RGS6: variants seen among roughly 807,000 people sequenced by gnomAD.
RGS6 encodes regulator of G-protein signaling 6.
RGS6 carries 30 observed loss-of-function variants against 78.5 expected under a neutral mutation model. The observed-to-expected ratio is 0.38, with a 90% confidence interval of 0.29 to 0.52. RGS6 has a LOEUF of 0.52. Among genes scored for constraint, RGS6 ranks in the 20% least tolerant of loss-of-function variants. The probability of loss-of-function intolerance (pLI) is 0.85; values close to 1 mark genes in which losing one functional copy is unlikely to be tolerated. For missense variants in RGS6, 495 were observed against 609.7 expected (o/e 0.81, Z 1.98); for synonymous variants, 206 against 206.0 (o/e 1.00, Z 0.00).
At chr14:72,415,725 A>G (rs538894385) in intron 3 of RGS6, among the ~76,000 whole-genome samples, 35 of 152,324 alleles carry the variant, frequency 2.3e-4, no homozygotes, top group African/African-American at 7.9e-4. Flanking sequence ...TATGCACAAC[A>G]TTGGCCATTA....
At chr14:72,418,034 C>G (rs1322620409) in intron 3 of RGS6, among the ~76,000 whole-genome samples, 1 of 152,156 alleles carries the variant, frequency 6.6e-6, no homozygotes, top group Non-Finnish European at 1.5e-5. Context: ...ATTCTCCCAC[C>G]TTTCCTCCAT....
rs750377039 is a variant in RGS6, at chr14:72,474,612, T to G, written c.619-13T>G. Reference sequence around the variant, plus strand: ...CACGTAGTAATTTATATGATGTGTTTTTTTTTTCTCAGCCAGGCTGTGTGA... The same window carrying G: ...CACGTAGTAATTTATATGATGTGTTGTTTTTTTCTCAGCCAGGCTGTGTGA... On this transcript the variant is annotated splice_polypyrimidine_tract_variant and intron_variant, in intron 9 of 17. Transcript: ENST00000553525. The G allele has an allele frequency of 6.3e-6, 10 of 1,596,476 alleles. No individual in the cohort carries two copies. The East Asian group carries it at 2.0e-4, about 32-fold the overall frequency.
At chr14:72,388,648 C>T (rs1404437983) in intron 3 of RGS6, among the ~76,000 whole-genome samples, 1 of 152,122 alleles carries the variant, frequency 6.6e-6, no homozygotes, top group Non-Finnish European at 1.5e-5. Flanking sequence ...TCATTCCCTA[C>T]CTGGCCACTC....
chr14:72,586,723 C>A, the RGS6 span, among the ~76,000 whole-genome samples: 1 of 152,140 alleles, frequency 6.6e-6, no homozygotes, highest in Admixed American at 6.5e-5. Flanking sequence ...ACATCTTGGT[C>A]TGCAGCATCT....
the RGS6 span, among the ~76,000 whole-genome samples, chr14:71,901,920 T>C: frequency 6.6e-6 from 1 of 152,236 alleles, no homozygotes; most frequent in African/African-American, 2.4e-5. Flanking sequence ...AGAAAACCTT[T>C]TGCAGGACTT....
At chr14:72,439,868 C>G (rs979607398) in intron 3 of RGS6, among the ~76,000 whole-genome samples, 16 of 152,204 alleles carry the variant, frequency 1.1e-4, no homozygotes, top group Admixed American at 2.6e-4. Context: ...TCCACCTTCT[C>G]CTAGAAAGAC....
At chr14:72,488,228 G>C (rs1381679884) in intron 12 of RGS6, among the ~76,000 whole-genome samples, 2 of 152,158 alleles carry the variant, frequency 1.3e-5, no homozygotes, top group Non-Finnish European at 2.9e-5. Context: ...TTTGTTGCCT[G>C]GTTCAGGTTG....
At chr14:72,369,022 C>T (rs958776251) in intron 3 of RGS6, among the ~76,000 whole-genome samples, 3 of 152,020 alleles carry the variant, frequency 2.0e-5, no homozygotes, top group Non-Finnish European at 4.4e-5. Flanking sequence ...CTAACACTAA[C>T]GATAGCTGAT....
chr14:71,895,983 C>A, the RGS6 span, among the ~76,000 whole-genome samples: 1 of 152,114 alleles, frequency 6.6e-6, no homozygotes, highest in East Asian at 1.9e-4. Flanking sequence ...CCAAACCCAA[C>A]AGAAGCTGGA....
rs1207168635 is a variant in RGS6 at position 71,932,742 on chromosome 14, C to T, written c.-220C>T. On this transcript the variant is annotated 5_prime_UTR_variant, in exon 1 of 18. Coordinates refer to ENST00000553525, the MANE Select transcript of RGS6 (RefSeq NM_001204424.2). ...TCGCTCGCTGAGCCCCTGCGCTCGC[C>T]ACCACGGAAACTCGGAAAGAGGAGG... 6.6e-6 allele frequency: 1 copy of T among 152,228 alleles called. No homozygotes were observed. Among genetic ancestry groups the T allele is most frequent in the Non-Finnish European group, 1.5e-5 (1 of 68,064 alleles). The allele number at this position is 152,228 out of a possible 1,614,324, so 9.4% of individuals were successfully genotyped here. A position where few individuals can be genotyped will look rare whatever the true frequency, so the allele number is the denominator to read the frequency against.
intron 17 of RGS6, among the ~76,000 whole-genome samples, chr14:72,542,399 T>C (rs1332115143): frequency 6.6e-6 from 1 of 152,262 alleles, no homozygotes; most frequent in Non-Finnish European, 1.5e-5. Flanking sequence ...GCCTTGCAAT[T>C]TGATAGCCAT....
At chr14:72,452,891 G>A (rs972414703) in intron 3 of RGS6, among the ~76,000 whole-genome samples, 34 of 152,180 alleles carry the variant, frequency 2.2e-4, no homozygotes, top group Admixed American at 2.0e-3. Flanking sequence ...CATTGTTTGC[G>A]GGTCACATTT....
intron 2 of RGS6, among the ~76,000 whole-genome samples, chr14:72,074,243 C>T (rs1437387080): frequency 1.3e-5 from 2 of 152,218 alleles, no homozygotes; most frequent in African/African-American, 4.8e-5. Context: ...GCCGCTCAGA[C>T]TGGAATGCAG....
At chr14:72,597,347 C>T in the RGS6 span, among the ~76,000 whole-genome samples, 161 of 152,344 alleles carry the variant, frequency 1.1e-3, no homozygotes, top group African/African-American at 3.8e-3. Context: ...TGGCATCTGG[C>T]TCGTTGTAAA....
the RGS6 span, among the ~76,000 whole-genome samples, chr14:72,595,318 C>A: frequency 5.3e-5 from 8 of 152,038 alleles, no homozygotes; most frequent in Non-Finnish European, 1.2e-4. Context: ...ATTAAGCAAC[C>A]CGTATGTGTG....
At chr14:72,056,307 C>G (rs1382570085) in intron 2 of RGS6, among the ~76,000 whole-genome samples, 1 of 152,162 alleles carries the variant, frequency 6.6e-6, no homozygotes, top group Non-Finnish European at 1.5e-5. Context: ...CAACAAGGCT[C>G]TCAGAATTTA....
intron 4 of RGS6, 143 bp from the exon 5 acceptor site, chr14:72,458,128 C>A (rs2095680423): frequency 7.1e-6 from 4 of 565,180 alleles, no homozygotes; most frequent in South Asian, 2.8e-5. Flanking sequence ...CTCCCCTCCT[C>A]ACCCCCACAC....
At chr14:72,440,861 C>T (rs532664668) in intron 3 of RGS6, among the ~76,000 whole-genome samples, 7 of 152,106 alleles carry the variant, frequency 4.6e-5, no homozygotes, top group African/African-American at 1.7e-4. Context: ...GTGTGAGTTG[C>T]GGGCATATGT....
At position 72,510,167 on chromosome 14, in the gene RGS6, C is replaced by G. The variant is rs779838541; in HGVS notation, c.979C>G (p.Gln327Glu). The G allele has an allele frequency of 1.9e-6, 3 of 1,610,328 alleles. No homozygotes were observed. In the African/African-American group the frequency reaches 4.0e-5, roughly 22 times the overall value. ...WDIEMSKEPSQQRVKRWGFSF... is the reference protein window; with the variant it reads ...WDIEMSKEPSEQRVKRWGFSF... ...TTCACCCCAAAGCAAAGAGCCCAGC[C>G]AACAGCGAGTAAAAAGATGGGGCTT... Residue 327 changes from glutamine (Q) to glutamate (E), a missense_variant, in exon 14 of 18, where the codon CAA becomes GAA. Physicochemically the swap from Gln to Glu is conservative, Grantham distance 29 (BLOSUM62 2). Coordinates refer to ENST00000553525, the MANE Select transcript of RGS6 (RefSeq NM_001204424.2).
Sources: allele counts gnomAD v4.1 joint callset (sites outside exome capture counted in the v4.1 genomes callset), GRCh38; gene constraint gnomAD v4.1.1; transcripts MANE v1.5; gene names NCBI Gene and HGNC (gene_info 2026-07-23, HGNC 2026-07-21).